EXOC4: variants seen among roughly 807,000 people sequenced by gnomAD.
EXOC4 encodes SEC8-like 1.
EXOC4 carries 71 observed loss-of-function variants against 107.2 expected under a neutral mutation model. That is an observed-to-expected ratio of 0.66 (90% CI 0.55 to 0.81). The LOEUF (loss-of-function observed/expected upper bound fraction) is 0.81, where lower values mean the gene tolerates loss of function less well. Ranked by LOEUF, EXOC4 falls within the 30% of genes least tolerant of loss-of-function variation. The pLI, the probability that EXOC4 is intolerant of heterozygous loss-of-function variation, is 0.00. For synonymous variants in EXOC4, 456 were observed against 441.2 expected (o/e 1.03, Z -0.42); for missense variants, 1,108 against 1,189.6 (o/e 0.93, Z 1.01).
intron 17 of EXOC4, among the ~76,000 whole-genome samples, chr7:134,046,229 C>T (rs1795646777): frequency 6.6e-6 from 1 of 152,182 alleles, no homozygotes; most frequent in South Asian, 2.1e-4. Context: ...TGCCTATAAT[C>T]CCACCACGTT....
intron 11 of EXOC4, among the ~76,000 whole-genome samples, chr7:133,865,651 G>T (rs1156844250): frequency 6.6e-6 from 1 of 152,166 alleles, no homozygotes; most frequent in Non-Finnish European, 1.5e-5. Flanking sequence ...TGTCTGGGAG[G>T]CCTCAGGAAA....
chr7:133,696,922 CAT>C (rs559501400), intron 10 of EXOC4, among the ~76,000 whole-genome samples: 87 of 152,298 alleles, frequency 5.7e-4, no homozygotes, highest in African/African-American at 2.0e-3. Flanking sequence ...ATTAGTCAAT[CAT>C]GTGCAATAAT....
intron 7 of EXOC4, among the ~76,000 whole-genome samples, chr7:133,421,480 A>T (rs1406139636): frequency 2.0e-5 from 3 of 152,214 alleles, no homozygotes; most frequent in Non-Finnish European, 4.4e-5. Flanking sequence ...CTACTGTACG[A>T]GTAGCAGAGA....
At position 133,516,845 on chromosome 7, in the gene EXOC4, A is replaced by G. The variant is rs542827308; in HGVS notation, c.1417+36707A>G. On this transcript the variant is annotated intron_variant, in intron 9 of 17. Transcript: ENST00000253861. ...ATTTTTACTTTAGGCCATTGTCTTCAAGGTGAGTTGTTTATTCTTCCCTCT... is the reference window on the plus strand; with the variant it reads ...ATTTTTACTTTAGGCCATTGTCTTCGAGGTGAGTTGTTTATTCTTCCCTCT... Among the ~76,000 whole-genome samples the G allele has an allele frequency of 3.7e-5, 5 of 134,098 alleles. No individual in the cohort carries two copies. The East Asian group carries it at 6.9e-4, about 18-fold the overall frequency. The allele number at this position is 134,098 out of a possible 152,430, so 88.0% of individuals were successfully genotyped here. A position where few individuals can be genotyped will look rare whatever the true frequency, so the allele number is the denominator to read the frequency against.
chr7:133,912,650 C>T (rs1015649106), intron 12 of EXOC4, among the ~76,000 whole-genome samples: 4 of 152,098 alleles, frequency 2.6e-5, no homozygotes, highest in Non-Finnish European at 4.4e-5. Flanking sequence ...TTCTTATATG[C>T]CTTCTAAATA....
intron 9 of EXOC4, among the ~76,000 whole-genome samples, chr7:133,481,850 G>T (rs1454612021): frequency 3.3e-5 from 5 of 151,186 alleles, no homozygotes; most frequent in African/African-American, 1.2e-4. Context: ...TGAAGGAGGA[G>T]GGTGACTCAT....
chr7:134,025,374 C>G (rs892699272), intron 17 of EXOC4, among the ~76,000 whole-genome samples: 2 of 134,742 alleles, frequency 1.5e-5, no homozygotes, highest in Non-Finnish European at 3.3e-5. Flanking sequence ...CAAGGCTACC[C>G]AGATCTGGGA....
chr7:133,905,456 CAG>C (rs1799544449), intron 12 of EXOC4, among the ~76,000 whole-genome samples: 1 of 152,166 alleles, frequency 6.6e-6, no homozygotes, highest in African/African-American at 2.4e-5. Flanking sequence ...CATTAGGAAT[CAG>C]GCACTTGGCC....
rs199514739 is a variant in EXOC4 at position 134,064,378 on chromosome 7, C to T, written c.2775C>T (p.Tyr925=). ...DQGVKYTELE[Y]IHALTLLHRS... is the part of the protein sequence containing the mutation. ...GTGTGAAGTACACGGAGCTGGAGTACATCCACGCTCTGACCCTGCTGCACC... is the reference window on the plus strand; with the variant it reads ...GTGTGAAGTACACGGAGCTGGAGTATATCCACGCTCTGACCCTGCTGCACC... The change falls in exon 18 of 18, where the codon TAC becomes TAT. Residue 925 remains tyrosine, a synonymous_variant. Transcript: ENST00000253861. 7 of 1,583,742 alleles carry T rather than the reference C, an allele frequency of 4.4e-6. No homozygotes were observed. Among genetic ancestry groups the T allele is most frequent in the Non-Finnish European group, 6.0e-6 (7 of 1,162,796 alleles).
chr7:133,837,301 T>G (rs774812588), intron 11 of EXOC4, among the ~76,000 whole-genome samples: 44 of 152,178 alleles, frequency 2.9e-4, no homozygotes, highest in Non-Finnish European at 5.0e-4. Flanking sequence ...ACACTTAATC[T>G]GTCTGGGCCT....
intron 17 of EXOC4, among the ~76,000 whole-genome samples, chr7:134,044,696 C>A (rs1795605102): frequency 6.6e-6 from 1 of 152,234 alleles, no homozygotes; most frequent in African/African-American, 2.4e-5. Context: ...GCACAATGTG[C>A]ACACTTGGAG....
chr7:133,730,838 A>C (rs573398922), intron 10 of EXOC4, among the ~76,000 whole-genome samples: 1 of 152,308 alleles, frequency 6.6e-6, no homozygotes, highest in Non-Finnish European at 1.5e-5. Context: ...ACAGATAAAC[A>C]CAAGTATGGT....
At chr7:133,607,760 G>T (rs576222236) in intron 9 of EXOC4, among the ~76,000 whole-genome samples, 1 of 152,288 alleles carries the variant, frequency 6.6e-6, no homozygotes, top group African/African-American at 2.4e-5. Context: ...TAGAAGTGCG[G>T]GTTATTATAA....
intron 17 of EXOC4, among the ~76,000 whole-genome samples, chr7:134,026,137 G>T (rs1585331687): frequency 6.6e-6 from 1 of 152,080 alleles, no homozygotes; most frequent in Non-Finnish European, 1.5e-5. Flanking sequence ...AGGGCTGGTT[G>T]GCTTTAGGCT....
intron 6 of EXOC4, 25 bp from the exon 7 acceptor site, chr7:133,374,803 G>A (rs1381874194): frequency 6.3e-7 from 1 of 1,599,084 alleles, no homozygotes; most frequent in Non-Finnish European, 8.6e-7. Context: ...ATGTGTAAAT[G>A]TTATTTATTT....
chr7:134,029,124 A>G (rs1795210143), intron 17 of EXOC4, among the ~76,000 whole-genome samples: 1 of 152,234 alleles, frequency 6.6e-6, no homozygotes, highest in Non-Finnish European at 1.5e-5. Context: ...TCTTATGCAG[A>G]GGGATGACGT....
intron 10 of EXOC4, among the ~76,000 whole-genome samples, chr7:133,774,818 T>C (rs1436226478): frequency 6.6e-6 from 1 of 152,162 alleles, no homozygotes; most frequent in Non-Finnish European, 1.5e-5. Flanking sequence ...CTGAGGCTTA[T>C]GGATAATTCA....
chr7:133,605,103 T>C (rs1004386120), intron 9 of EXOC4, among the ~76,000 whole-genome samples: 32 of 152,098 alleles, frequency 2.1e-4, no homozygotes, highest in African/African-American at 7.0e-4. Context: ...TAGGTATTCA[T>C]GTAGGAATGA....
At chr7:133,725,699 C>G (rs151080209) in intron 10 of EXOC4, among the ~76,000 whole-genome samples, 7 of 152,214 alleles carry the variant, frequency 4.6e-5, no homozygotes, top group Admixed American at 6.5e-5. Context: ...CATAGGGACT[C>G]TATGACAACT....
Sources: gnomAD v4.1 joint callset for allele counts (sites outside exome capture counted in the v4.1 genomes callset) on GRCh38, gnomAD v4.1.1 for gene constraint, MANE v1.5 for transcripts, NCBI Gene and HGNC (gene_info 2026-07-23, HGNC 2026-07-21) for gene names.